BIRC6: variants seen among roughly 807,000 people sequenced by gnomAD.
BIRC6 encodes baculoviral IAP repeat containing 6, also known as dual E2 ubiquitin-conjugating enzyme/E3 ubiquitin-protein ligase BIRC6.
A neutral mutation model predicts 503.3 loss-of-function variants in BIRC6; 98 were observed. That is an observed-to-expected ratio of 0.19 (90% CI 0.17 to 0.23). BIRC6 has a LOEUF of 0.23. BIRC6 is among the 10% of genes least tolerant of loss of function. The probability of loss-of-function intolerance (pLI) is 1.00; values close to 1 mark genes in which losing one functional copy is unlikely to be tolerated. For synonymous variants in BIRC6, 2,240 were observed against 2,078.7 expected, an observed-to-expected ratio of 1.08 and a Z score of -2.11; for missense variants, 5,360 against 5,806.0, an observed-to-expected ratio of 0.92 and a Z score of 2.50.
chr2:32,360,173 A>T (rs1573611622), intron 1 of BIRC6, among the ~76,000 whole-genome samples: 1 of 152,196 alleles, frequency 6.6e-6, no homozygotes, highest in Non-Finnish European at 1.5e-5. Context: ...TGATACAGTA[A>T]TAGGTCTTAT....
chr2:32,436,571 G>A (rs561252941), intron 15 of BIRC6, among the ~76,000 whole-genome samples: 65 of 152,020 alleles, frequency 4.3e-4, no homozygotes, highest in African/African-American at 1.5e-3. Flanking sequence ...CTTAAAAGAG[G>A]TATTTTGTTT....
At chr2:32,445,489 A>T in intron 20 of BIRC6, 32 bp from the exon 21 acceptor site, 1 of 1,495,066 alleles carries the variant, frequency 6.7e-7, no homozygotes, top group Non-Finnish European at 9.0e-7. Flanking sequence ...AGGAGGAAAA[A>T]GAAACATTTA....
At chr2:32,455,942 C>G (rs2047214891) in intron 23 of BIRC6, among the ~76,000 whole-genome samples, 1 of 152,136 alleles carries the variant, frequency 6.6e-6, no homozygotes, top group Non-Finnish European at 1.5e-5. Context: ...TGATTGTAGT[C>G]TCTCAATCCT....
intron 65 of BIRC6, among the ~76,000 whole-genome samples, chr2:32,567,986 C>G (rs1003221829): frequency 1.3e-5 from 2 of 152,062 alleles, no homozygotes; most frequent in East Asian, 1.9e-4. Context: ...GTGGCGGGCA[C>G]CTGTACTCCC....
chr2:32,582,965 T>A (rs2060782589), intron 66 of BIRC6, among the ~76,000 whole-genome samples: 1 of 152,204 alleles, frequency 6.6e-6, no homozygotes, highest in Non-Finnish European at 1.5e-5. Context: ...CTCTGAATTT[T>A]TATTTTTGAA....
chr2:32,485,955 C>T (rs1442501298), intron 40 of BIRC6, among the ~76,000 whole-genome samples, 196 bp downstream of exon 40: 3 of 152,158 alleles, frequency 2.0e-5, no homozygotes, highest in Non-Finnish European at 4.4e-5. Flanking sequence ...CAGAGAGTAT[C>T]ATGCAAAATA....
intron 62 of BIRC6, 90 bp downstream of exon 62, chr2:32,543,631 C>A: frequency 1.6e-6 from 2 of 1,272,740 alleles, no homozygotes; most frequent in East Asian, 2.4e-5. Flanking sequence ...TCATTTATTT[C>A]CTTCATAGTT....
intron 19 of BIRC6, 75 bp from the exon 20 acceptor site, chr2:32,443,416 T>C: frequency 2.1e-6 from 2 of 971,856 alleles, no homozygotes; most frequent in Non-Finnish European, 3.0e-6. Flanking sequence ...GATTTTTAGG[T>C]ACCACACCAG....
chr2:32,444,622 A>T (rs961613564), intron 20 of BIRC6, among the ~76,000 whole-genome samples: 11 of 152,294 alleles, frequency 7.2e-5, no homozygotes, highest in African/African-American at 2.6e-4. Context: ...ACAGTGGCTC[A>T]CACTTGTAAT....
intron 26 of BIRC6, 21 bp downstream of exon 26, chr2:32,465,185 A>ATTTTTTT (rs374940577): frequency 2.4e-5 from 20 of 847,782 alleles, no homozygotes; most frequent in South Asian, 9.0e-5. Context: ...ACTTTCTTAA[A>ATTTTTTT]TTTTTTTTTT....
At chr2:32,567,192 A>C (rs2059593160) in intron 65 of BIRC6, among the ~76,000 whole-genome samples, 1 of 150,122 alleles carries the variant, frequency 6.7e-6, no homozygotes, top group South Asian at 2.1e-4. Context: ...CTGGTCTTGA[A>C]CTCCTGATCT....
At chr2:32,526,300 T>G (rs2056267000) in intron 59 of BIRC6, among the ~76,000 whole-genome samples, 2 of 152,160 alleles carry the variant, frequency 1.3e-5, no homozygotes, top group Non-Finnish European at 2.9e-5. Flanking sequence ...GTAACAAAAC[T>G]GCAAATGTGC....
chr2:32,471,092 A>G lies in BIRC6; in HGVS notation c.6560A>G (p.Asp2187Gly). 6.3e-7 allele frequency: 1 copy of G among 1,579,762 alleles called. No homozygotes were observed. Among genetic ancestry groups the G allele is most frequent in the Non-Finnish European group, 8.6e-7 (1 of 1,160,700 alleles). Residue 2187 changes from aspartate to glycine, a missense_variant, in exon 32 of 74, where the codon GAT becomes GGT. Transcript: ENST00000421745. ...CTGGATTATGTGGCAACTGTTGAAGATGAAGCAGCAGCTGCAAAGAAACCT... is the reference window on the plus strand; with the variant it reads ...CTGGATTATGTGGCAACTGTTGAAGGTGAAGCAGCAGCTGCAAAGAAACCT... ...RLLDYVATVE[D>G]EAAAAKKPLN...
intron 20 of BIRC6, among the ~76,000 whole-genome samples, chr2:32,443,895 C>T (rs1256298015): frequency 6.6e-6 from 1 of 152,144 alleles, no homozygotes; most frequent in Non-Finnish European, 1.5e-5. Flanking sequence ...GATCAGATGC[C>T]AGAAACCAGA....
intron 57 of BIRC6, among the ~76,000 whole-genome samples, chr2:32,524,495 C>T (rs2056080344): frequency 6.6e-6 from 1 of 152,136 alleles, no homozygotes; most frequent in East Asian, 1.9e-4. Context: ...AAGGCTGTTT[C>T]TTCATTTTGA....
intron 54 of BIRC6, among the ~76,000 whole-genome samples, chr2:32,513,748 A>C (rs930749392): frequency 6.6e-6 from 1 of 152,186 alleles, no homozygotes; most frequent in African/African-American, 2.4e-5. Flanking sequence ...GTCTCTACTA[A>C]AAATAGAAAA....
At chr2:32,388,001 A>G (rs1273999003) in intron 3 of BIRC6, among the ~76,000 whole-genome samples, 2 of 152,216 alleles carry the variant, frequency 1.3e-5, no homozygotes, top group Non-Finnish European at 2.9e-5. Flanking sequence ...GAAAGATTAA[A>G]TTAAGCTAAT....
rs149269125 is a variant in BIRC6 at position 32,531,503 on chromosome 2, T to C, written c.12243T>C (p.Ala4081=). 3.1e-6 allele frequency: 5 copies of C among 1,613,624 alleles called. No individual in the cohort carries two copies. Among genetic ancestry groups the C allele is most frequent in the Non-Finnish European group, 4.2e-6 (5 of 1,179,776 alleles). Reference sequence around the variant, plus strand: ...TTTTTGCAGGAATGGGTGGACTGGCTCTTATTGCTGAAAGACTACCCATGC... The same window carrying C: ...TTTTTGCAGGAATGGGTGGACTGGCCCTTATTGCTGAAAGACTACCCATGC... ...LQVFAGMGGL[A]LIAERLPMLY... Residue 4081 remains alanine (A), a synonymous_variant, in exon 61 of 74, where the codon GCT becomes GCC. Transcript: ENST00000421745.
rs1206326627 is a variant in BIRC6 at position 32,547,882 on chromosome 2, A to G, written c.12843A>G (p.Ser4281=). 3 of 1,608,468 alleles carry G rather than the reference A, an allele frequency of 1.9e-6. No homozygotes were observed. Among genetic ancestry groups the G allele is most frequent in the Non-Finnish European group, 2.5e-6 (3 of 1,178,306 alleles). ...PQVSSSHNPT[S]TEEQQLYWAK... ...TGTCAAGCTCTCATAACCCTACATC[A>G]ACAGAAGAACAACAGTTATATTGGG... Residue 4281 remains serine (S), a synonymous_variant, in exon 64 of 74, where the codon TCA becomes TCG. Coordinates refer to ENST00000421745, the MANE Select transcript of BIRC6 (RefSeq NM_016252.4).
Sources: gnomAD v4.1 joint callset for allele counts (sites outside exome capture counted in the v4.1 genomes callset) on GRCh38, gnomAD v4.1.1 for gene constraint, MANE v1.5 for transcripts, NCBI Gene and HGNC (gene_info 2026-07-23, HGNC 2026-07-21) for gene names.